Variants in TRIM2 observed in about 807,000 individuals in gnomAD.
The protein encoded by TRIM2 is tripartite motif-containing protein 2.
Under a neutral mutation model 75.2 loss-of-function variants are expected in TRIM2, and 20 were observed. That is an observed-to-expected ratio of 0.27 (90% CI 0.19 to 0.39). The LOEUF (loss-of-function observed/expected upper bound fraction) is 0.39, where lower values mean the gene tolerates loss of function less well. Ranked by LOEUF, TRIM2 falls within the 10% of genes least tolerant of loss-of-function variation. The pLI, the probability that TRIM2 is intolerant of heterozygous loss-of-function variation, is 1.00. For synonymous variants in TRIM2, 373 were observed against 388.3 expected (o/e 0.96, Z 0.46); for missense variants, 660 against 990.8 (o/e 0.67, Z 4.48).
intron 1 of TRIM2, among the ~76,000 whole-genome samples, chr4:153,194,947 G>A (rs1420872390): frequency 6.6e-6 from 1 of 152,208 alleles, no homozygotes; most frequent in African/African-American, 2.4e-5. Flanking sequence ...CTTCTAAGTG[G>A]ATTGAATTCT....
At chr4:153,300,936 A>G (rs548952675) in intron 6 of TRIM2, among the ~76,000 whole-genome samples, 1 of 151,782 alleles carries the variant, frequency 6.6e-6, no homozygotes, top group Admixed American at 6.6e-5. Context: ...GATGCCTGTA[A>G]TCCCAGCACC....
At chr4:153,333,025 T>C (rs1208188483) in intron 11 of TRIM2, among the ~76,000 whole-genome samples, 1 of 152,230 alleles carries the variant, frequency 6.6e-6, no homozygotes, top group East Asian at 1.9e-4. Flanking sequence ...ACATTGTTGT[T>C]CATAGAAGAT....
chr4:153,230,659 G>A (rs1227455594), intron 1 of TRIM2, among the ~76,000 whole-genome samples: 1 of 152,232 alleles, frequency 6.6e-6, no homozygotes, highest in Non-Finnish European at 1.5e-5. Context: ...GGGAGATTGA[G>A]GTGACAGTAT....
At chr4:153,265,121 A>C (rs1223977367) in intron 1 of TRIM2, among the ~76,000 whole-genome samples, 2 of 152,114 alleles carry the variant, frequency 1.3e-5, no homozygotes, top group African/African-American at 4.8e-5. Context: ...ATTTGATTAA[A>C]ACAAATTTTT....
chr4:153,322,905 T>C, intron 9 of TRIM2, 89 bp downstream of exon 9: 1 of 1,502,328 alleles, frequency 6.7e-7, no homozygotes, highest in Non-Finnish European at 9.0e-7. Context: ...AGACACCGCA[T>C]CCCTAGTGTG....
At chr4:153,299,490 G>A (rs1763428867) in intron 6 of TRIM2, among the ~76,000 whole-genome samples, 1 of 152,128 alleles carries the variant, frequency 6.6e-6, no homozygotes, top group Non-Finnish European at 1.5e-5. Context: ...GAAACATGAG[G>A]ATGCAGATAT....
At chr4:153,216,746 C>G (rs1431123117) in intron 1 of TRIM2, among the ~76,000 whole-genome samples, 1 of 152,144 alleles carries the variant, frequency 6.6e-6, no homozygotes, top group Non-Finnish European at 1.5e-5. Context: ...CTCTCTGATT[C>G]CAAGGTGGTG....
At chr4:153,215,567 T>C (rs1217273194) in intron 1 of TRIM2, among the ~76,000 whole-genome samples, 1 of 152,158 alleles carries the variant, frequency 6.6e-6, no homozygotes, top group African/African-American at 2.4e-5. Flanking sequence ...CCAATTCTTG[T>C]TCTGGATGGT....
intron 1 of TRIM2, among the ~76,000 whole-genome samples, chr4:153,155,218 CAT>C (rs981602989): frequency 2.0e-5 from 3 of 152,134 alleles, no homozygotes; most frequent in Admixed American, 6.5e-5. Context: ...GATTTTTGCA[CAT>C]GAGTTTCTTG....
In TRIM2 at chr4:153,312,605, G is replaced by A. The variant is rs796962740; in HGVS notation, c.1511-2880G>A. Among the ~76,000 whole-genome samples, 372 of 152,194 alleles carry A rather than the reference G, an allele frequency of 2.4e-3. 7 individuals are homozygous for A. Among genetic ancestry groups the A allele is most frequent in the African/African-American group, 8.6e-3 (357 of 41,462 alleles). Reference sequence around the variant, plus strand: ...GAAATAGGAATACTTTTACACTGTTGGTGGGACTGTAAACTAGTTCAACCC... The same window carrying A: ...GAAATAGGAATACTTTTACACTGTTAGTGGGACTGTAAACTAGTTCAACCC... On this transcript the variant is annotated intron_variant, in intron 6 of 11. Coordinates refer to ENST00000338700, the MANE Select transcript of TRIM2 (RefSeq NM_015271.5).
intron 1 of TRIM2, among the ~76,000 whole-genome samples, chr4:153,260,695 CCCCCCCACA>C (rs1753229931): frequency 1.8e-5 from 1 of 56,584 alleles, no homozygotes; most frequent in Admixed American, 1.8e-4. Context: ...CACCCACCCC[CCCCCCCACA>C]CACACACACA....
At chr4:153,270,561 G>C (rs1453548918) in intron 2 of TRIM2, 42 bp downstream of exon 2, 1 of 1,530,616 alleles carries the variant, frequency 6.5e-7, no homozygotes, top group Non-Finnish European at 8.9e-7. Context: ...TTCGCAGGCT[G>C]ACCTCCTACA....
rs2150146138 is a variant in TRIM2 at position 153,296,011 on chromosome 4, C to T, written c.1485C>T (p.Ile495=). The T allele has an allele frequency of 1.3e-6, 2 of 1,523,780 alleles. No homozygotes were observed. The highest frequency in any genetic ancestry group is 8.8e-7 in the Non-Finnish European group (1 of 1,138,046). The allele number at this position is 1,523,780 out of a possible 1,614,324, so 94.4% of individuals were successfully genotyped here. Residue 495 remains isoleucine (I), a synonymous_variant, in exon 6 of 12, where the codon ATC becomes ATT. Coordinates refer to ENST00000338700, the MANE Select transcript of TRIM2 (RefSeq NM_015271.5). ...YSTGKRKENP[I]EDDLIFRVGT... ...CTGGAAAACGAAAAGAGAATCCCAT[C>T]GAAGACGATTTGATCTTTCGAGTGG...
At chr4:153,315,610 C>T (rs750134786) in intron 7 of TRIM2, 22 bp downstream of exon 7, 2 of 1,545,368 alleles carry the variant, frequency 1.3e-6, no homozygotes, top group Non-Finnish European at 1.8e-6. Context: ...AATTATATAC[C>T]TTTAACTACT....
intron 6 of TRIM2, among the ~76,000 whole-genome samples, chr4:153,302,085 T>C (rs535313856): frequency 6.6e-6 from 1 of 152,354 alleles, no homozygotes; most frequent in East Asian, 1.9e-4. Flanking sequence ...TTTATTAATA[T>C]TCTTCCAATC....
At chr4:153,180,401 G>C (rs1169614247) in intron 1 of TRIM2, among the ~76,000 whole-genome samples, 1 of 152,250 alleles carries the variant, frequency 6.6e-6, no homozygotes, top group Non-Finnish European at 1.5e-5. Flanking sequence ...GCCAGAGACA[G>C]AGCCTTGAAC....
chr4:153,287,940 G>T (rs1157773377), intron 3 of TRIM2, among the ~76,000 whole-genome samples: 1 of 151,988 alleles, frequency 6.6e-6, no homozygotes, highest in Non-Finnish European at 1.5e-5. Context: ...AATCCCTTTG[G>T]CATGACTTGT....
At chr4:153,285,078 T>C (rs1760291658) in intron 3 of TRIM2, among the ~76,000 whole-genome samples, 1 of 152,206 alleles carries the variant, frequency 6.6e-6, no homozygotes, top group South Asian at 2.1e-4. Flanking sequence ...TTAGCTTACA[T>C]TTAGGTCTTT....
At chr4:153,193,439 A>G (rs1017116236) in intron 1 of TRIM2, among the ~76,000 whole-genome samples, 1 of 152,134 alleles carries the variant, frequency 6.6e-6, no homozygotes, top group African/African-American at 2.4e-5. Flanking sequence ...CCCATGAATA[A>G]TCTTTAAGTG....
Sources: allele counts gnomAD v4.1 joint callset (sites outside exome capture counted in the v4.1 genomes callset), GRCh38; gene constraint gnomAD v4.1.1; transcripts MANE v1.5; gene names NCBI Gene and HGNC (gene_info 2026-07-23, HGNC 2026-07-21).